GPATCH8: variants seen among roughly 807,000 people sequenced by gnomAD.
GPATCH8 encodes G patch domain-containing protein 8.
In GPATCH8, 18 loss-of-function variants were observed where a neutral mutation model predicts 118.3. The observed-to-expected ratio is 0.15, with a 90% confidence interval of 0.11 to 0.23. The LOEUF is 0.23. Ranked by LOEUF, GPATCH8 falls within the 10% of genes least tolerant of loss-of-function variation. GPATCH8 has a pLI of 1.00. For synonymous variants in GPATCH8, 659 were observed against 684.7 expected (o/e 0.96, Z 0.59); for missense variants, 1,631 against 1,873.8 (o/e 0.87, Z 2.39).
intron 1 of GPATCH8, among the ~76,000 whole-genome samples, chr17:44,477,520 C>T (rs2144394830): frequency 6.6e-6 from 1 of 151,830 alleles, no homozygotes; most frequent in African/African-American, 2.4e-5. Flanking sequence ...GGCGCCACAC[C>T]AGTACACTTG....
At chr17:44,478,196 C>T (rs1295739050) in intron 1 of GPATCH8, among the ~76,000 whole-genome samples, 1 of 152,206 alleles carries the variant, frequency 6.6e-6, no homozygotes, top group Non-Finnish European at 1.5e-5. Flanking sequence ...CAACACTCAA[C>T]ATTTTAAGTT....
chr17:44,425,850 A>T (rs2050071533), intron 5 of GPATCH8, among the ~76,000 whole-genome samples: 2 of 152,176 alleles, frequency 1.3e-5, no homozygotes, highest in Admixed American at 1.3e-4. Flanking sequence ...CAACAAAACT[A>T]GAGTTCCTGG....
chr17:44,454,200 GT>G lies in GPATCH8; in HGVS notation c.193+10271del, dbSNP rs199517790. Among the ~76,000 whole-genome samples, 39 of 152,250 alleles carry G rather than the reference GT, an allele frequency of 2.6e-4. 1 individual carries two copies. Among genetic ancestry groups the G allele is most frequent in the East Asian group, 2.5e-3 (13 of 5,174 alleles). ...GCTCTGTTGCCCAGGTTGGAGTGCA[GT>G]GGCACAATCATAGCTGTAACCTTCA... On this transcript the variant is annotated intron_variant, in intron 3 of 7. Transcript: ENST00000591680.
intron 3 of GPATCH8, among the ~76,000 whole-genome samples, chr17:44,450,828 T>C (rs939812933): frequency 6.6e-6 from 1 of 150,792 alleles, no homozygotes; most frequent in Non-Finnish European, 1.5e-5. Flanking sequence ...GTACTCCATG[T>C]ATCTATCAGC....
At chr17:44,480,694 T>A (rs945325758) in intron 1 of GPATCH8, among the ~76,000 whole-genome samples, 3 of 149,178 alleles carry the variant, frequency 2.0e-5, no homozygotes, top group African/African-American at 7.4e-5. Context: ...CACTCCAGCC[T>A]GGGCAACAAG....
intron 2 of GPATCH8, among the ~76,000 whole-genome samples, chr17:44,472,208 A>C (rs1442447982): frequency 1.3e-5 from 2 of 152,222 alleles, no homozygotes; most frequent in African/African-American, 4.8e-5. Context: ...ATCCAGCCTG[A>C]GTACTATATA....
intron 3 of GPATCH8, among the ~76,000 whole-genome samples, chr17:44,459,087 G>C (rs550663765): frequency 8.5e-5 from 13 of 152,242 alleles, no homozygotes; most frequent in Non-Finnish European, 1.5e-4. Context: ...CTAGATGTTA[G>C]ATTTTTCAGA....
In GPATCH8 at chr17:44,399,698, TGAA is replaced by T. The variant is rs1287821331; in HGVS notation, c.2376_2378del (p.Ser794del). ...TGGTGCCTGCTCTTCGCTGGCAGGA[TGAA>T]GGTGGAAGTTCACCTTTGTGTTTCC... is the stretch of plus-strand genomic sequence containing the variant. On this transcript the variant is annotated inframe_deletion, in exon 8 of 8. Coordinates refer to ENST00000591680, the MANE Select transcript of GPATCH8 (RefSeq NM_001002909.4). The T allele has an allele frequency of 6.2e-7, 1 of 1,614,108 alleles. No individual in the cohort carries two copies. Among genetic ancestry groups the T allele is most frequent in the Non-Finnish European group, 8.5e-7 (1 of 1,179,978 alleles).
intron 1 of GPATCH8, among the ~76,000 whole-genome samples, chr17:44,479,440 G>T (rs1221050245): frequency 6.6e-6 from 1 of 152,152 alleles, no homozygotes; most frequent in African/African-American, 2.4e-5. Flanking sequence ...CAGTTCAACA[G>T]AGAAATTTTA....
intron 3 of GPATCH8, among the ~76,000 whole-genome samples, chr17:44,441,701 G>A (rs1248692630): frequency 6.7e-6 from 1 of 149,600 alleles, no homozygotes; most frequent in Admixed American, 6.7e-5. Context: ...TCCAGCCTGG[G>A]CAACACAACG....
intron 3 of GPATCH8, among the ~76,000 whole-genome samples, chr17:44,451,001 A>C (rs1275745524): frequency 1.3e-5 from 2 of 152,222 alleles, no homozygotes; most frequent in Non-Finnish European, 2.9e-5. Flanking sequence ...TAAAACAATC[A>C]TTATACTGTA....
rs1362805101 is a variant in GPATCH8, at chr17:44,399,913, A to C, written c.2164T>G (p.Ser722Ala). ...KKRKRKKNKSSAPADSERGPK... is the reference protein window; with the variant it reads ...KKRKRKKNKSAAPADSERGPK... ...CCTCGTTCAGAATCTGCTGGGGCTG[A>C]TGACTTATTCTTCTTTCGTTTTCGT... Residue 722 changes from serine (S) to alanine (A), a missense_variant, in exon 8 of 8, where the codon TCA (serine) becomes GCA (alanine). By Grantham distance (99) the Ser-to-Ala change is moderately conservative. Around this residue, in one of 8 missense-constraint regions of GPATCH8, gnomAD observed 922 missense variants for 879.7 expected, o/e 1.05. Transcript: ENST00000591680. The C allele has an allele frequency of 6.2e-7, 1 of 1,613,552 alleles. No homozygotes were observed. Among genetic ancestry groups the C allele is most frequent in the Non-Finnish European group, 8.5e-7 (1 of 1,179,900 alleles).
chr17:44,471,614 A>G (rs1436065406), intron 2 of GPATCH8, among the ~76,000 whole-genome samples: 1 of 152,214 alleles, frequency 6.6e-6, no homozygotes, highest in Non-Finnish European at 1.5e-5. Context: ...GCACCTCTCA[A>G]TAGATATTGC....
At position 44,396,968 on chromosome 17, in the gene GPATCH8, T is replaced by C. The variant is rs1030407376; in HGVS notation, c.*600A>G. The C allele has an allele frequency of 6.6e-6, 3 of 453,718 alleles. No individual in the cohort carries two copies. Among genetic ancestry groups the C allele is most frequent in the Non-Finnish European group, 1.3e-5 (3 of 226,770 alleles). 28.1% of individuals were successfully genotyped at this position (453,718 alleles called of 1,614,324 possible). Reference sequence around the variant, plus strand: ...TAACAGTGCCAAATGTGTGGCTCCGTTGATGTGGGAACTGGATGGAATTGC... The same window carrying C: ...TAACAGTGCCAAATGTGTGGCTCCGCTGATGTGGGAACTGGATGGAATTGC... On this transcript the variant is annotated 3_prime_UTR_variant, in exon 8 of 8. Coordinates refer to ENST00000591680, the MANE Select transcript of GPATCH8 (RefSeq NM_001002909.4).
intron 7 of GPATCH8, among the ~76,000 whole-genome samples, chr17:44,404,161 A>G (rs1437220278): frequency 2.0e-5 from 3 of 151,990 alleles, no homozygotes; most frequent in African/African-American, 7.2e-5. Context: ...TTTTTGAGAC[A>G]GGGTCTTGCT....
At chr17:44,502,359 GTT>G (rs10532706) in intron 1 of GPATCH8, among the ~76,000 whole-genome samples, 11,863 of 143,896 alleles carry the variant, frequency 0.082, 1,142 homozygotes, top group African/African-American at 0.24. Context: ...GTAATGCAGT[GTT>G]TTTTTTTTTT....
intron 6 of GPATCH8, among the ~76,000 whole-genome samples, chr17:44,418,743 G>A (rs1346411301): frequency 2.0e-5 from 3 of 152,106 alleles, no homozygotes; most frequent in Non-Finnish European, 2.9e-5. Flanking sequence ...GAGCCACCGC[G>A]CCCGGCTAGT....
At chr17:44,442,148 G>A (rs1335371306) in intron 3 of GPATCH8, among the ~76,000 whole-genome samples, 9 of 144,790 alleles carry the variant, frequency 6.2e-5, no homozygotes. Context: ...GAGAGAAGGA[G>A]AGAGAGAAAG....
intron 7 of GPATCH8, among the ~76,000 whole-genome samples, chr17:44,402,510 A>T (rs1203952745): frequency 6.6e-6 from 1 of 152,078 alleles, no homozygotes; most frequent in African/African-American, 2.4e-5. Flanking sequence ...TTGCTGGGTC[A>T]GGGTGGCTCA....
Sources: gnomAD v4.1 joint callset for allele counts (sites outside exome capture counted in the v4.1 genomes callset) on GRCh38, gnomAD v4.1.1 for gene constraint, gnomAD v4.1.1 regional missense constraint, MANE v1.5 for transcripts, NCBI Gene and HGNC (gene_info 2026-07-23, HGNC 2026-07-21) for gene names.